NFASC: variants seen among roughly 807,000 people sequenced by gnomAD.
NFASC encodes the protein neurofascin homolog.
NFASC carries 43 observed loss-of-function variants against 147.5 expected under a neutral mutation model. The observed-to-expected ratio is 0.29, with a 90% CI of 0.23 to 0.38. The LOEUF (loss-of-function observed/expected upper bound fraction) is 0.38. Among genes scored for constraint, NFASC ranks in the 10% least tolerant of loss-of-function variants. The pLI is 1.00. For synonymous variants in NFASC, 622 were observed against 665.5 expected (o/e 0.93, Z 1.01); for missense variants, 1,320 against 1,689.0 (o/e 0.78, Z 3.83).
In NFASC at chr1:204,898,075, G is replaced by A. The variant is rs144634150; in HGVS notation, c.-199-22557G>A. 1.9e-3 allele frequency among the ~76,000 whole-genome samples: 294 copies of A among 152,292 alleles called. 4 individuals are homozygous for A. In the Middle Eastern group the frequency reaches 0.034, roughly 18 times the overall value. On this transcript the variant is annotated intron_variant, in intron 1 of 29. Transcript: ENST00000339876. ...TTTAAAAATTGTTTGTAGAGATGGC[G>A]TCTCACCGTGTTGCCCAGACTGGTC...
At chr1:204,940,175 G>A (rs1432387475) in intron 2 of NFASC, among the ~76,000 whole-genome samples, 3 of 152,148 alleles carry the variant, frequency 2.0e-5, no homozygotes, top group Admixed American at 2.0e-4. Flanking sequence ...GCTCAAAGCC[G>A]GGCGCGATGG....
chr1:204,917,672 A>C (rs566541034), intron 1 of NFASC, among the ~76,000 whole-genome samples: 1 of 152,164 alleles, frequency 6.6e-6, no homozygotes, highest in East Asian at 1.9e-4. Context: ...GACCAGGGAA[A>C]CCTTATTCTT....
At chr1:204,982,089 G>A in intron 21 of NFASC, 69 bp downstream of exon 21, 9 of 1,077,252 alleles carry the variant, frequency 8.4e-6, no homozygotes, top group Non-Finnish European at 1.2e-5. Flanking sequence ...CACGCTCACA[G>A]GCCAGGAACC....
intron 23 of NFASC, chr1:204,990,565 A>G (rs1029574755): frequency 4.8e-5 from 7 of 145,446 alleles, no homozygotes; most frequent in Admixed American, 1.4e-4. Flanking sequence ...TCTCAGTCCA[A>G]AAAAAAAAAA....
At chr1:205,007,306 G>A (rs1226285678) in intron 27 of NFASC, among the ~76,000 whole-genome samples, 1 of 152,026 alleles carries the variant, frequency 6.6e-6, no homozygotes, top group Non-Finnish European at 1.5e-5. Flanking sequence ...TGAGATAGGA[G>A]GATCACTTAA....
chr1:204,840,945 A>G (rs963971258), intron 1 of NFASC, among the ~76,000 whole-genome samples: 3 of 152,210 alleles, frequency 2.0e-5, no homozygotes, highest in Non-Finnish European at 4.4e-5. Context: ...TAATAGGGTG[A>G]TTTAAGTAAT....
intron 25 of NFASC, 108 bp from the exon 26 acceptor site, chr1:205,001,060 CGA>C (rs2095972884): frequency 1.4e-6 from 1 of 720,820 alleles, no homozygotes; most frequent in Non-Finnish European, 2.6e-6. Context: ...TGTGCGTGCG[CGA>C]GTGTGGGCAT....
chr1:204,948,775 C>T, intron 3 of NFASC: 1 of 514,350 alleles, frequency 1.9e-6, no homozygotes, highest in Non-Finnish European at 3.9e-6. Context: ...GGCTTGAAGT[C>T]TTGAATAGGC....
intron 1 of NFASC, among the ~76,000 whole-genome samples, chr1:204,845,936 C>T (rs559001167): frequency 3.3e-5 from 5 of 152,098 alleles, no homozygotes; most frequent in South Asian, 2.1e-4. Flanking sequence ...TATGGCTCCA[C>T]GGGGGAAGGG....
intron 1 of NFASC, among the ~76,000 whole-genome samples, chr1:204,883,320 C>T (rs577208480): frequency 1.3e-5 from 2 of 152,304 alleles, no homozygotes; most frequent in South Asian, 2.1e-4. Flanking sequence ...CCCCAAAAGT[C>T]GAAATTTGAG....
intron 2 of NFASC, among the ~76,000 whole-genome samples, chr1:204,938,027 C>T (rs1037421286): frequency 2.6e-5 from 4 of 152,238 alleles, no homozygotes; most frequent in African/African-American, 9.7e-5. Context: ...CTCGACGCTG[C>T]CAGTCTTCTC....
intron 1 of NFASC, among the ~76,000 whole-genome samples, chr1:204,897,051 C>T (rs975323475): frequency 1.3e-5 from 2 of 151,896 alleles, no homozygotes; most frequent in Non-Finnish European, 2.9e-5. Flanking sequence ...ACTGTAGGTT[C>T]CCCCCCTTCC....
chr1:204,933,840 G>C (rs1264053204), intron 2 of NFASC, among the ~76,000 whole-genome samples: 1 of 151,946 alleles, frequency 6.6e-6, no homozygotes, highest in Non-Finnish European at 1.5e-5. Flanking sequence ...GGATCTTTTT[G>C]TTATAAGATA....
At chr1:204,928,590 C>T (rs756514329) in intron 2 of NFASC, among the ~76,000 whole-genome samples, 3 of 152,236 alleles carry the variant, frequency 2.0e-5, no homozygotes, top group African/African-American at 4.8e-5. Flanking sequence ...AATACAATGA[C>T]GTGAGTTGTA....
At chr1:204,935,998 A>G (rs1327775677) in intron 2 of NFASC, among the ~76,000 whole-genome samples, 1 of 151,986 alleles carries the variant, frequency 6.6e-6, no homozygotes, top group Non-Finnish European at 1.5e-5. Context: ...TTCAAATAAA[A>G]CCTTATATGA....
At position 204,954,023 on chromosome 1, in the gene NFASC, T is replaced by G. The variant is rs1311808946; in HGVS notation, c.216-165T>G. 6.6e-6 allele frequency among the ~76,000 whole-genome samples: 1 copy of G among 152,092 alleles called. No individual in the cohort carries two copies. The highest frequency in any genetic ancestry group is 2.4e-5 in the African/African-American group (1 of 41,410). ...TTTGCATTTTATTGAGCTCTCCAGATGGTTCTTCTGCTCAGCCAGGCTGAG... is the reference window on the plus strand; with the variant it reads ...TTTGCATTTTATTGAGCTCTCCAGAGGGTTCTTCTGCTCAGCCAGGCTGAG... On this transcript the variant is annotated intron_variant, in intron 5 of 29. Transcript: ENST00000339876. This position sits in a 1 kb window ranked among gnomAD's most constrained non-coding sequence, Gnocchi z 5.7.
chr1:204,928,838 G>T (rs2092035611), intron 2 of NFASC, among the ~76,000 whole-genome samples: 1 of 152,100 alleles, frequency 6.6e-6, no homozygotes, highest in South Asian at 2.1e-4. Context: ...TTTTTGTGGG[G>T]CTCTGGTCCT....
intron 1 of NFASC, among the ~76,000 whole-genome samples, chr1:204,910,676 T>C (rs2087199060): frequency 6.6e-6 from 1 of 151,834 alleles, no homozygotes; most frequent in Non-Finnish European, 1.5e-5. Flanking sequence ...TCTTTTTAAA[T>C]TTTTTTTGTA....
chr1:205,011,448 G>A (rs60044062), intron 28 of NFASC, among the ~76,000 whole-genome samples: 7,327 of 152,246 alleles, frequency 0.048, 344 homozygotes, highest in African/African-American at 0.12. Flanking sequence ...TGCCTCCTCC[G>A]TCTGACAGTC....
Sources: gnomAD v4.1 joint callset for allele counts (sites outside exome capture counted in the v4.1 genomes callset) on GRCh38, gnomAD v4.1.1 for gene constraint, Gnocchi (gnomAD v3.1) non-coding constraint, MANE v1.5 for transcripts, NCBI Gene and HGNC (gene_info 2026-07-23, HGNC 2026-07-21) for gene names.